The following KCND2 variants were observed in gnomAD, a reference collection of about 807,000 sequenced individuals.
The protein encoded by KCND2 is potassium voltage-gated channel subfamily D member 2, also known as A-type voltage-gated potassium channel KCND2.
Under a neutral mutation model 54.4 loss-of-function variants are expected in KCND2, and 16 were observed. That is an observed-to-expected ratio of 0.29 (90% CI 0.20 to 0.45). The LOEUF (loss-of-function observed/expected upper bound fraction) is 0.45. Among genes scored for constraint, KCND2 ranks in the 20% least tolerant of loss-of-function variants. The probability of loss-of-function intolerance (pLI) is 1.00; values close to 1 mark genes in which losing one functional copy is unlikely to be tolerated. For missense variants in KCND2, 486 were observed against 824.2 expected, an observed-to-expected ratio of 0.59 and a Z score of 5.02; for synonymous variants, 317 against 310.7, an observed-to-expected ratio of 1.02 and a Z score of -0.21.
intron 1 of KCND2, among the ~76,000 whole-genome samples, chr7:120,461,312 A>G (rs1802280938): frequency 1.3e-5 from 2 of 152,228 alleles, no homozygotes; most frequent in African/African-American, 4.8e-5. Context: ...AAGAGCAGAC[A>G]CTTTTTCACT....
chr7:120,430,751 T>G (rs1801777450), intron 1 of KCND2, among the ~76,000 whole-genome samples: 1 of 152,194 alleles, frequency 6.6e-6, no homozygotes, highest in Non-Finnish European at 1.5e-5. Flanking sequence ...CAGCATATCA[T>G]AGAAAAATTC....
intron 1 of KCND2, among the ~76,000 whole-genome samples, chr7:120,514,857 C>T (rs1803172966): frequency 6.6e-6 from 1 of 151,984 alleles, no homozygotes; most frequent in Non-Finnish European, 1.5e-5. Flanking sequence ...TGGCCTGGTT[C>T]CTAACAGGTC....
At chr7:120,282,494 G>A (rs754062266) in intron 1 of KCND2, among the ~76,000 whole-genome samples, 1 of 152,058 alleles carries the variant, frequency 6.6e-6, no homozygotes, top group African/African-American at 2.4e-5. Context: ...CTAGCATAAC[G>A]CAATCCATTT....
At chr7:120,398,982 C>G (rs1461858747) in intron 1 of KCND2, among the ~76,000 whole-genome samples, 1 of 151,856 alleles carries the variant, frequency 6.6e-6, no homozygotes, top group Non-Finnish European at 1.5e-5. Flanking sequence ...CTCCATAAAG[C>G]CTTTTTTAAA....
At chr7:120,656,032 T>C (rs1391344543) in intron 1 of KCND2, among the ~76,000 whole-genome samples, 1 of 152,194 alleles carries the variant, frequency 6.6e-6, no homozygotes, top group Admixed American at 6.5e-5. Context: ...AGTATCCATT[T>C]GTTTAAAATT....
intron 1 of KCND2, among the ~76,000 whole-genome samples, chr7:120,500,208 G>A (rs975758992): frequency 5.9e-5 from 9 of 152,102 alleles, no homozygotes; most frequent in African/African-American, 2.2e-4. Context: ...TTTGGACTAA[G>A]AGCATAGTCC....
At chr7:120,707,517 T>C (rs1272636232) in intron 1 of KCND2, among the ~76,000 whole-genome samples, 1 of 152,108 alleles carries the variant, frequency 6.6e-6, no homozygotes, top group Non-Finnish European at 1.5e-5. Flanking sequence ...GGAGCAAAAG[T>C]TGAAGTGAAA....
At chr7:120,361,681 G>C (rs139372862) in intron 1 of KCND2, among the ~76,000 whole-genome samples, 25 of 152,086 alleles carry the variant, frequency 1.6e-4, no homozygotes, top group African/African-American at 6.0e-4. Flanking sequence ...AAAGGCGAAG[G>C]CAGAGTGTTT....
At chr7:120,334,768 TCACCCCCAGGACACACTGTGGTAAAATA>T (rs1193838086) in intron 1 of KCND2, among the ~76,000 whole-genome samples, 6 of 152,210 alleles carry the variant, frequency 3.9e-5, no homozygotes, top group African/African-American at 1.4e-4. Context: ...TTTATTTGCA[TCACCCCCAGGACACACTGTGGTAAAATA>T]TAATGAGTCT....
intron 1 of KCND2, among the ~76,000 whole-genome samples, chr7:120,590,743 T>A: frequency 6.6e-6 from 1 of 152,142 alleles, no homozygotes; most frequent in Non-Finnish European, 1.5e-5. Flanking sequence ...GAAAATTATA[T>A]ATATATAGCT....
At chr7:120,382,491 G>A (rs901320563) in intron 1 of KCND2, among the ~76,000 whole-genome samples, 27 of 151,800 alleles carry the variant, frequency 1.8e-4, no homozygotes, top group African/African-American at 6.5e-4. Context: ...TAATCATGGT[G>A]ATTTTTGAAA....
At chr7:120,726,534 C>T (rs1476578294) in intron 1 of KCND2, among the ~76,000 whole-genome samples, 1 of 152,178 alleles carries the variant, frequency 6.6e-6, no homozygotes, top group African/African-American at 2.4e-5. Flanking sequence ...CTCAGACTAA[C>T]ACTCTGGTCA....
At chr7:120,672,410 A>T (rs1792003575) in intron 1 of KCND2, among the ~76,000 whole-genome samples, 1 of 152,150 alleles carries the variant, frequency 6.6e-6, no homozygotes, top group Non-Finnish European at 1.5e-5. Context: ...ACATTTTTAG[A>T]GTAATGAAAG....
intron 1 of KCND2, among the ~76,000 whole-genome samples, chr7:120,438,981 C>A (rs1340196721): frequency 1.3e-5 from 2 of 152,176 alleles, no homozygotes; most frequent in Admixed American, 6.5e-5. Context: ...GCACTTAAAT[C>A]TTGTTCAGCA....
intron 1 of KCND2, among the ~76,000 whole-genome samples, chr7:120,670,405 A>G (rs548035371): frequency 3.3e-5 from 5 of 152,200 alleles, no homozygotes; most frequent in African/African-American, 1.2e-4. Context: ...ATAGTGTTAA[A>G]TCAGACATTG....
chr7:120,307,225 A>C (rs990576308), intron 1 of KCND2, among the ~76,000 whole-genome samples: 5 of 152,050 alleles, frequency 3.3e-5, no homozygotes, highest in African/African-American at 2.4e-5. Flanking sequence ...AGAAAAAAAA[A>C]CCTTCACATC....
At chr7:120,332,188 A>G (rs936081761) in intron 1 of KCND2, among the ~76,000 whole-genome samples, 2 of 152,080 alleles carry the variant, frequency 1.3e-5, no homozygotes, top group African/African-American at 4.8e-5. Context: ...AGCTTCTGAA[A>G]CAGCTCTTGA....
intron 1 of KCND2, among the ~76,000 whole-genome samples, chr7:120,471,601 C>T (rs1208299619): frequency 6.6e-6 from 1 of 152,096 alleles, no homozygotes; most frequent in African/African-American, 2.4e-5. Context: ...GCCTATTTCA[C>T]TTGTAGCCTA....
chr7:120,387,388 A>T (rs958456627), intron 1 of KCND2, among the ~76,000 whole-genome samples: 1 of 152,070 alleles, frequency 6.6e-6, no homozygotes, highest in Non-Finnish European at 1.5e-5. Flanking sequence ...TGAAGATTAA[A>T]ATTACTGTTT....
Sources: allele counts gnomAD v4.1 joint callset (sites outside exome capture counted in the v4.1 genomes callset), GRCh38; gene constraint gnomAD v4.1.1; transcripts MANE v1.5; gene names NCBI Gene and HGNC (gene_info 2026-07-23, HGNC 2026-07-21).